OTUD7A: variants seen among roughly 807,000 people sequenced by gnomAD.
The protein encoded by OTUD7A is OTU deubiquitinase 7A.
In OTUD7A, 12 loss-of-function variants were observed where a neutral mutation model predicts 65.7. That is an observed-to-expected ratio of 0.18 (90% confidence interval 0.12 to 0.30). The LOEUF is 0.30. OTUD7A is among the 10% of genes least tolerant of loss of function. The probability of loss-of-function intolerance (pLI) is 1.00; values close to 1 mark genes in which losing one functional copy is unlikely to be tolerated. For synonymous variants in OTUD7A, 641 were observed against 586.3 expected (o/e 1.09, Z -1.35); for missense variants, 1,148 against 1,304.8 (o/e 0.88, Z 1.85).
intron 5 of OTUD7A, 72 bp downstream of exon 5, chr15:31,558,897 A>G: frequency 6.7e-7 from 1 of 1,503,456 alleles, no homozygotes. Context: ...TCTCTTGCTC[A>G]TAGAGTAGGT....
chr15:31,821,146 T>TTTTTTTTTTTTTTTTG (rs1896671404), intron 1 of OTUD7A, among the ~76,000 whole-genome samples: 1 of 143,818 alleles, frequency 7.0e-6, no homozygotes, highest in African/African-American at 2.6e-5. Context: ...TTTTTTTTTT[T>TTTTTTTTTTTTTTTTG]TTTTTTTTGA....
At chr15:31,667,970 C>T (rs746955174) in intron 1 of OTUD7A, among the ~76,000 whole-genome samples, 13 of 152,272 alleles carry the variant, frequency 8.5e-5, no homozygotes, top group South Asian at 2.1e-4. Flanking sequence ...GAAGATAGGG[C>T]CCCAATCCCT....
chr15:31,823,561 C>T (rs1896735775), intron 1 of OTUD7A, among the ~76,000 whole-genome samples: 1 of 152,154 alleles, frequency 6.6e-6, no homozygotes, highest in Admixed American at 6.6e-5. Flanking sequence ...AATAGGTAAG[C>T]GTAAAGTTAG....
At chr15:31,576,126 C>A (rs1430023089) in intron 3 of OTUD7A, among the ~76,000 whole-genome samples, 1 of 152,174 alleles carries the variant, frequency 6.6e-6, no homozygotes, top group Non-Finnish European at 1.5e-5. Flanking sequence ...ATAAAAAACA[C>A]TACATACCTC....
intron 3 of OTUD7A, among the ~76,000 whole-genome samples, chr15:31,619,888 A>G (rs923400001): frequency 1.3e-5 from 2 of 152,208 alleles, no homozygotes; most frequent in African/African-American, 4.8e-5. Context: ...ATTCAGTATG[A>G]TATTGGCTGT....
chr15:31,663,630 C>T (rs1217251812), intron 1 of OTUD7A, among the ~76,000 whole-genome samples: 1 of 152,112 alleles, frequency 6.6e-6, no homozygotes, highest in Non-Finnish European at 1.5e-5. Flanking sequence ...CTTTTTATGG[C>T]TGCATAGTAT....
rs2041248413 is a variant in OTUD7A, at chr15:31,487,124, C to T, written c.1371+70G>A. ...GTGTGGGAGCATTTGGGAGGATGCA[C>T]CCTGGTCAGACTGGAGCTGAGCAGC... is the stretch of plus-strand genomic sequence containing the variant. On this transcript the variant is annotated intron_variant, in intron 12 of 12. Coordinates refer to ENST00000307050, the MANE Select transcript of OTUD7A (RefSeq NM_001382637.1). This position sits in a 1 kb window ranked among gnomAD's most constrained non-coding sequence, Gnocchi z 6.0. 1 of 1,473,152 alleles carries T rather than the reference C, an allele frequency of 6.8e-7. No homozygotes were observed. 91.3% of individuals were successfully genotyped at this position (1,473,152 alleles called of 1,614,324 possible).
intron 3 of OTUD7A, among the ~76,000 whole-genome samples, chr15:31,610,617 A>ATATATAT: frequency 3.3e-4 from 10 of 30,566 alleles, no homozygotes; most frequent in East Asian, 1.9e-3. Flanking sequence ...ATATATATAT[A>ATATATAT]TTTTTTTTTT....
intron 8 of OTUD7A, among the ~76,000 whole-genome samples, chr15:31,512,119 C>T (rs1376036622): frequency 1.3e-5 from 2 of 152,188 alleles, no homozygotes; most frequent in Admixed American, 6.5e-5. Flanking sequence ...GCAGCTTTTT[C>T]CTCAGTCTTG....
At chr15:31,784,106 T>A (rs556860919) in intron 1 of OTUD7A, among the ~76,000 whole-genome samples, 2 of 152,336 alleles carry the variant, frequency 1.3e-5, no homozygotes, top group South Asian at 4.1e-4. Flanking sequence ...GATCAGTGTA[T>A]CATGTTACAG....
At chr15:31,757,780 A>T (rs1894856696) in intron 1 of OTUD7A, among the ~76,000 whole-genome samples, 1 of 152,210 alleles carries the variant, frequency 6.6e-6, no homozygotes, top group Admixed American at 6.5e-5. Flanking sequence ...TTGATAAGGA[A>T]GCCCTTTAAA....
chr15:31,575,635 G>A (rs960799473), intron 3 of OTUD7A, among the ~76,000 whole-genome samples: 32 of 152,320 alleles, frequency 2.1e-4, no homozygotes, highest in African/African-American at 7.2e-4. Context: ...GGCTTATAGA[G>A]CAGCCACTAT....
At chr15:31,596,378 A>G (rs1889904306) in intron 3 of OTUD7A, among the ~76,000 whole-genome samples, 1 of 152,190 alleles carries the variant, frequency 6.6e-6, no homozygotes, top group East Asian at 1.9e-4. Context: ...GAATTCACCT[A>G]TTCACTCGCT....
At chr15:31,651,995 A>C (rs1484659927) in intron 3 of OTUD7A, among the ~76,000 whole-genome samples, 1 of 109,266 alleles carries the variant, frequency 9.2e-6, no homozygotes, top group Non-Finnish European at 1.8e-5. Context: ...GTTCACATAG[A>C]AAGGCAAAAA....
chr15:31,577,568 T>A (rs140279347), intron 3 of OTUD7A, among the ~76,000 whole-genome samples: 70 of 152,174 alleles, frequency 4.6e-4, no homozygotes, highest in African/African-American at 1.6e-3. Flanking sequence ...AACTTCTGTC[T>A]CCCTAAAATG....
rs185428172 is a variant in OTUD7A, at chr15:31,856,066, C to A, written c.-100+14441G>T. 1.2e-4 allele frequency among the ~76,000 whole-genome samples: 19 copies of A among 152,308 alleles called. No homozygotes were observed. The Middle Eastern group carries it at 0.017, about 136-fold the overall frequency. ...GGTCTACCCAAACCAAGAAAGGGAACTTTTAGAAACTTTTATGCTCTAAGA... is the reference window on the plus strand; with the variant it reads ...GGTCTACCCAAACCAAGAAAGGGAAATTTTAGAAACTTTTATGCTCTAAGA... On this transcript the variant is annotated intron_variant, in intron 1 of 12. Transcript: ENST00000307050.
At chr15:31,543,908 T>C (rs1010373107) in intron 5 of OTUD7A, among the ~76,000 whole-genome samples, 3 of 151,588 alleles carry the variant, frequency 2.0e-5, no homozygotes, top group South Asian at 2.1e-4. Flanking sequence ...AATGGACAAA[T>C]ACAATGCAGC....
intron 1 of OTUD7A, among the ~76,000 whole-genome samples, chr15:31,796,285 A>G (rs1410303292): frequency 6.6e-6 from 1 of 151,942 alleles, no homozygotes; most frequent in African/African-American, 2.4e-5. Flanking sequence ...ATTGGCTCAC[A>G]TGATTGCGGG....
chr15:31,584,598 C>T (rs1156617173), intron 3 of OTUD7A, among the ~76,000 whole-genome samples: 2 of 152,180 alleles, frequency 1.3e-5, no homozygotes, highest in Admixed American at 6.5e-5. Flanking sequence ...ACTACGAAGA[C>T]AGCCTGGGAG....
Sources: allele counts gnomAD v4.1 joint callset (sites outside exome capture counted in the v4.1 genomes callset), GRCh38; gene constraint gnomAD v4.1.1; non-coding constraint Gnocchi (gnomAD v3.1); transcripts MANE v1.5; gene names NCBI Gene and HGNC (gene_info 2026-07-23, HGNC 2026-07-21).